NCALD: variants seen among roughly 807,000 people sequenced by gnomAD.
The protein encoded by NCALD is neurocalcin-delta.
A neutral mutation model predicts 18.6 loss-of-function variants in NCALD; 10 were observed. That is an observed-to-expected ratio of 0.54 (90% CI 0.33 to 0.91). The LOEUF is 0.91. NCALD is among the 40% of genes least tolerant of loss of function. NCALD has a pLI of 0.03. For synonymous variants in NCALD, 88 were observed against 87.4 expected (o/e 1.01, Z -0.04); for missense variants, 184 against 247.6 (o/e 0.74, Z 1.72).
intron 1 of NCALD, among the ~76,000 whole-genome samples, chr8:102,068,433 G>A (rs550362555): frequency 1.3e-5 from 2 of 152,222 alleles, no homozygotes; most frequent in East Asian, 1.9e-4. Context: ...CCCACCTCAC[G>A]GCCTCTGCAC....
rs560924843 is a variant in NCALD at position 101,924,409 on chromosome 8, A to G, written c.-156-8551T>C. Among the ~76,000 whole-genome samples, 6 of 152,334 alleles carry G rather than the reference A, an allele frequency of 3.9e-5. No homozygotes were observed. In the East Asian group the frequency reaches 1.2e-3, roughly 29 times the overall value. ...ACAAGTGCTTGTAAATAGAGTCAAC[A>G]GCACTTTACATTTGGTTTTAATTCG... On this transcript the variant is annotated intron_variant, in intron 2 of 6. Coordinates refer to the NCALD transcript ENST00000311028.
chr8:101,738,206 T>G (rs1413927966), intron 1 of NCALD, among the ~76,000 whole-genome samples: 2 of 152,104 alleles, frequency 1.3e-5, no homozygotes, highest in Non-Finnish European at 2.9e-5. Flanking sequence ...TCAAGGGACT[T>G]TTTTGGTGAT....
At chr8:101,711,877 C>T (rs1383013309) in intron 2 of NCALD, among the ~76,000 whole-genome samples, 1 of 152,120 alleles carries the variant, frequency 6.6e-6, no homozygotes, top group Non-Finnish European at 1.5e-5. Context: ...ACGTCCCCAA[C>T]CTAGCAAGAC....
intron 4 of NCALD, among the ~76,000 whole-genome samples, chr8:101,833,273 G>T (rs1814261476): frequency 1.3e-5 from 2 of 152,264 alleles, no homozygotes; most frequent in South Asian, 2.1e-4. Context: ...TACATTTCTA[G>T]CAAGCTCTCA....
At chr8:101,944,468 T>C (rs757126034) in intron 2 of NCALD, among the ~76,000 whole-genome samples, 11 of 152,142 alleles carry the variant, frequency 7.2e-5, no homozygotes, top group Non-Finnish European at 1.6e-4. Context: ...GACTGGAGTA[T>C]GTGTGAGCAG....
intron 1 of NCALD, among the ~76,000 whole-genome samples, chr8:102,092,187 G>A (rs193287718): frequency 2.8e-4 from 43 of 152,256 alleles, no homozygotes; most frequent in East Asian, 7.7e-4. Context: ...GCTACATTCC[G>A]ACCAGGGCCA....
chr8:101,937,216 TA>T (rs11330377), intron 2 of NCALD, among the ~76,000 whole-genome samples: 77,538 of 151,774 alleles, frequency 0.51, 19,954 homozygotes, highest in South Asian at 0.6. Context: ...GGTTCGGGGG[TA>T]ACATGTGAAG....
At chr8:101,732,423 C>T (rs1816875406) in intron 1 of NCALD, among the ~76,000 whole-genome samples, 1 of 151,930 alleles carries the variant, frequency 6.6e-6, no homozygotes, top group Non-Finnish European at 1.5e-5. Context: ...TCCATAGACT[C>T]TAAGAATAGT....
At chr8:102,053,877 T>C (rs28489255) in intron 1 of NCALD, among the ~76,000 whole-genome samples, 10,054 of 152,282 alleles carry the variant, frequency 0.066, 685 homozygotes, top group African/African-American at 0.17. Flanking sequence ...TTTATTCACA[T>C]ATAAATCGAA....
intron 2 of NCALD, among the ~76,000 whole-genome samples, chr8:101,948,649 C>T (rs928572132): frequency 1.3e-5 from 2 of 152,214 alleles, no homozygotes; most frequent in East Asian, 1.9e-4. Context: ...ACCCAGAAGA[C>T]ATTAACATTT....
chr8:101,822,109 A>G (rs1432975854), intron 4 of NCALD, among the ~76,000 whole-genome samples: 1 of 152,158 alleles, frequency 6.6e-6, no homozygotes, highest in East Asian at 1.9e-4. Context: ...ATCTTTGTAA[A>G]AGCATAAATC....
chr8:101,828,838 G>T (rs781728200), intron 4 of NCALD, among the ~76,000 whole-genome samples: 1 of 151,856 alleles, frequency 6.6e-6, no homozygotes, highest in African/African-American at 2.4e-5. Flanking sequence ...GTTTTTCGAC[G>T]GTTTTGTTTA....
intron 3 of NCALD, among the ~76,000 whole-genome samples, chr8:101,895,621 T>C (rs1490672031): frequency 6.8e-6 from 1 of 148,030 alleles, no homozygotes; most frequent in East Asian, 1.9e-4. Flanking sequence ...AACCCCACTG[T>C]CTCAGCCCAA....
At chr8:101,827,039 G>C (rs575677899) in intron 4 of NCALD, among the ~76,000 whole-genome samples, 2 of 152,288 alleles carry the variant, frequency 1.3e-5, no homozygotes, top group East Asian at 3.9e-4. Context: ...TTATCTCACA[G>C]TTCTGGAGGC....
chr8:101,944,668 G>A (rs1052305772), intron 2 of NCALD, among the ~76,000 whole-genome samples: 1 of 152,180 alleles, frequency 6.6e-6, no homozygotes, highest in East Asian at 1.9e-4. Context: ...GAAAGAGCAG[G>A]AGGAGAGTTT....
At chr8:102,082,184 A>C (rs74447424) in intron 1 of NCALD, among the ~76,000 whole-genome samples, 1 of 150,936 alleles carries the variant, frequency 6.6e-6, no homozygotes, top group Non-Finnish European at 1.5e-5. Context: ...ATTATTCTCA[A>C]ATAATAGCCC....
intron 1 of NCALD, among the ~76,000 whole-genome samples, chr8:102,082,651 T>C (rs377710490): frequency 1.0e-3 from 152 of 152,178 alleles, no homozygotes; most frequent in African/African-American, 3.6e-3. Context: ...GCTAGAATCA[T>C]TATTTTTCTT....
intron 4 of NCALD, among the ~76,000 whole-genome samples, chr8:101,856,197 G>A (rs963250512): frequency 6.6e-6 from 1 of 152,028 alleles, no homozygotes; most frequent in African/African-American, 2.4e-5. Flanking sequence ...TTTAAGACAG[G>A]GTCTTGCTCT....
At chr8:102,081,127 G>A (rs1403661335) in intron 1 of NCALD, among the ~76,000 whole-genome samples, 2 of 152,110 alleles carry the variant, frequency 1.3e-5, no homozygotes, top group South Asian at 2.1e-4. Flanking sequence ...ACTCCCTTAA[G>A]AACAGAAGCA....
Sources: gnomAD v4.1 joint callset for allele counts (sites outside exome capture counted in the v4.1 genomes callset) on GRCh38, gnomAD v4.1.1 for gene constraint, MANE v1.5 for transcripts, NCBI Gene and HGNC (gene_info 2026-07-23, HGNC 2026-07-21) for gene names.